Variants in ASIP observed in about 807,000 individuals in gnomAD.
ASIP encodes agouti-signaling protein.
In ASIP, 11 loss-of-function variants were observed where a neutral mutation model predicts 10.3. The ratio of observed to expected loss-of-function variants is 1.07; its 90% confidence interval spans 0.68 to 1.78. ASIP has a LOEUF of 1.78. ASIP is among the 40% of genes most tolerant of loss of function. The pLI, the probability that ASIP is intolerant of heterozygous loss-of-function variation, is 0.00. For synonymous variants in ASIP, 70 were observed against 70.8 expected (o/e 0.99, Z 0.06); for missense variants, 180 against 169.2 (o/e 1.06, Z -0.35).
chr20:34,245,198 G>T (rs2035350529), intron 1 of ASIP, among the ~76,000 whole-genome samples: 1 of 151,302 alleles, frequency 6.6e-6, no homozygotes, highest in South Asian at 2.1e-4. Context: ...GCTGGGCGTG[G>T]TGGCAGGCGC....
At chr20:34,261,391 T>C (rs1202194325) in intron 2 of ASIP, among the ~76,000 whole-genome samples, 3 of 152,206 alleles carry the variant, frequency 2.0e-5, no homozygotes, top group East Asian at 1.9e-4. Context: ...CCCAGCACTT[T>C]CGTAGGCTGA....
intron 1 of ASIP, among the ~76,000 whole-genome samples, chr20:34,196,179 T>C (rs1054659996): frequency 2.9e-5 from 4 of 137,632 alleles, no homozygotes; most frequent in Non-Finnish European, 4.6e-5. Flanking sequence ...ATTTCTTTTT[T>C]TTTTTTTTTT....
chr20:34,215,286 C>T, intron 1 of ASIP: 2 of 1,541,946 alleles, frequency 1.3e-6, no homozygotes, highest in Admixed American at 3.4e-5. Flanking sequence ...GGCACTGACA[C>T]ATCACTTCAG....
chr20:34,253,381 C>T lies in ASIP; in HGVS notation c.-10-6984C>T, dbSNP rs556099750. Reference sequence around the variant, plus strand: ...TCAGCCTCCCAAAGTGCTGGGATTACGGGCGTGAGCCACCGCGCCCAGCCT... The same window carrying T: ...TCAGCCTCCCAAAGTGCTGGGATTATGGGCGTGAGCCACCGCGCCCAGCCT... On this transcript the variant is annotated intron_variant, in intron 1 of 3. Coordinates refer to ENST00000374954, the MANE Select transcript of ASIP (RefSeq NM_001672.3). Among the ~76,000 whole-genome samples the T allele has an allele frequency of 1.5e-3, 220 of 151,488 alleles. 2 individuals are homozygous for T. The highest frequency in any genetic ancestry group is 2.2e-3 in the Non-Finnish European group (146 of 67,894).
At chr20:34,236,713 T>C (rs1601586724), upstream of ASIP, among the ~76,000 whole-genome samples, 1 of 152,264 alleles carries the variant, frequency 6.6e-6, no homozygotes, top group East Asian at 1.9e-4. Context: ...CATTATATAA[T>C]GTGAATGTGA....
chr20:34,265,392 T>C (rs1003197022), intron 3 of ASIP, among the ~76,000 whole-genome samples: 6 of 152,048 alleles, frequency 3.9e-5, no homozygotes, highest in African/African-American at 1.4e-4. Context: ...GGTGTGGTGG[T>C]GTGCTCCTGT....
chr20:34,268,341 G>A (rs1013433257), intron 3 of ASIP, among the ~76,000 whole-genome samples: 2 of 152,150 alleles, frequency 1.3e-5, no homozygotes, highest in Non-Finnish European at 2.9e-5. Flanking sequence ...GCGGGGCAGC[G>A]AAGTTAACAG....
At chr20:34,190,438 C>A (rs756853038), upstream of ASIP, among the ~76,000 whole-genome samples, 2 of 152,214 alleles carry the variant, frequency 1.3e-5, no homozygotes, top group Non-Finnish European at 2.9e-5. Context: ...TCACTATTCC[C>A]ATTTTCCCTG....
At chr20:34,245,118 G>A (rs57479468) in intron 1 of ASIP, among the ~76,000 whole-genome samples, 13,480 of 151,740 alleles carry the variant, frequency 0.089, 1,977 homozygotes, top group African/African-American at 0.31. Context: ...GGCAAATCAC[G>A]AGGTCAGGAG....
At chr20:34,192,852 A>G (rs1264104307), upstream of ASIP, among the ~76,000 whole-genome samples, 2 of 152,228 alleles carry the variant, frequency 1.3e-5, no homozygotes, top group Non-Finnish European at 2.9e-5. Context: ...TGCACATTTT[A>G]TAAGGTGCAT....
chr20:34,253,800 A>C (rs1288668743), intron 1 of ASIP, among the ~76,000 whole-genome samples: 1 of 152,140 alleles, frequency 6.6e-6, no homozygotes, highest in East Asian at 1.9e-4. Context: ...AGGTGGACCT[A>C]GGGTCAGGCA....
chr20:34,261,351 C>G (rs1395124247), intron 2 of ASIP, among the ~76,000 whole-genome samples: 1 of 151,950 alleles, frequency 6.6e-6, no homozygotes, highest in African/African-American at 2.4e-5. Flanking sequence ...AATTTAAAAA[C>G]TAGCAAGGCA....
Position 34,224,527 on chromosome 20 carries a change from A to T in ASIP, c.-11+29767A>T, listed in dbSNP as rs541241812. 2.8e-4 allele frequency among the ~76,000 whole-genome samples: 43 copies of T among 152,236 alleles called. 1 individual carries two copies. In the East Asian group the frequency reaches 5.2e-3, roughly 18 times the overall value. On this transcript the variant is annotated intron_variant, in intron 1 of 3. Transcript: ENST00000568305. ...GAATAATCATCATAATATAGTTATG[A>T]ATCAGAAACATGCATACATTTTCTT...
chr20:34,223,516 C>A (rs1478644328), intron 1 of ASIP, among the ~76,000 whole-genome samples: 3 of 151,664 alleles, frequency 2.0e-5, no homozygotes, highest in Admixed American at 6.5e-5. Context: ...GCCCCCCCGC[C>A]CGGCCAGCCG....
chr20:34,188,015 T>C, the ASIP span, among the ~76,000 whole-genome samples: 2 of 152,346 alleles, frequency 1.3e-5, no homozygotes, highest in South Asian at 4.1e-4. Context: ...TGTTTGGCTG[T>C]GGGAAATGAG....
chr20:34,214,710 A>C, intron 1 of ASIP: 1 of 1,118,724 alleles, frequency 8.9e-7, no homozygotes, highest in Non-Finnish European at 1.4e-6. Context: ...TATATTCTTC[A>C]TCATAAGTCA....
At chr20:34,214,926 C>G in intron 1 of ASIP, 1 of 1,494,048 alleles carries the variant, frequency 6.7e-7, no homozygotes, top group African/African-American at 1.4e-5. Flanking sequence ...TCTTAATATT[C>G]CCATTCTTAG....
chr20:34,268,622 G>A (rs1181544201), intron 3 of ASIP, among the ~76,000 whole-genome samples: 1 of 151,990 alleles, frequency 6.6e-6, no homozygotes, highest in Non-Finnish European at 1.5e-5. Context: ...TGTGGTCCCA[G>A]CTACTTGGGA....
intron 1 of ASIP, among the ~76,000 whole-genome samples, chr20:34,235,997 AAGG>A (rs2035201159): frequency 9.3e-6 from 1 of 107,648 alleles, no homozygotes; most frequent in Non-Finnish European, 1.7e-5. Context: ...AGAAGGAAGG[AAGG>A]AGAAAGAGAG....
Sources: allele counts gnomAD v4.1 joint callset (sites outside exome capture counted in the v4.1 genomes callset), GRCh38; gene constraint gnomAD v4.1.1; transcripts MANE v1.5; gene names NCBI Gene and HGNC (gene_info 2026-07-23, HGNC 2026-07-21).